The following TYK2 variants were observed in gnomAD, a reference collection of about 807,000 sequenced individuals.
TYK2 encodes tyrosine kinase 2.
A neutral mutation model predicts 130.9 loss-of-function variants in TYK2; 65 were observed. The ratio of observed to expected loss-of-function variants is 0.50; its 90% CI spans 0.41 to 0.61. The LOEUF (loss-of-function observed/expected upper bound fraction) is 0.61. Ranked by LOEUF, TYK2 falls within the 20% of genes least tolerant of loss-of-function variation. The pLI, the probability that TYK2 is intolerant of heterozygous loss-of-function variation, is 0.00. For missense variants in TYK2, 1,378 were observed against 1,610.7 expected (o/e 0.86, Z 2.47); for synonymous variants, 647 against 658.9 (o/e 0.98, Z 0.28).
At chr19:10,360,095 T>G (rs12720284) in intron 14 of TYK2, among the ~76,000 whole-genome samples, 1 of 151,598 alleles carries the variant, frequency 6.6e-6, no homozygotes, top group Admixed American at 6.6e-5. Flanking sequence ...GGCAGGAGAA[T>G]TGCTTGAACC....
chr19:10,356,066 T>G (rs890770291), intron 18 of TYK2, among the ~76,000 whole-genome samples: 4 of 148,860 alleles, frequency 2.7e-5, no homozygotes, highest in African/African-American at 9.9e-5. Context: ...TCCAAAGAAG[T>G]TGTGTCTCTC....
chr19:10,373,624 C>A (rs2042004719), intron 3 of TYK2, among the ~76,000 whole-genome samples: 1 of 152,058 alleles, frequency 6.6e-6, no homozygotes, highest in African/African-American at 2.4e-5. Context: ...ACCCACTGTG[C>A]CTGGCTTGAG....
At chr19:10,368,510 CCT>C in intron 3 of TYK2, 92 bp from the exon 4 acceptor site, 1 of 1,576,602 alleles carries the variant, frequency 6.3e-7, no homozygotes, top group Non-Finnish European at 8.7e-7. Flanking sequence ...CTTCACACTC[CCT>C]CTGAGGCCCC....
At chr19:10,378,589 C>T (rs2042254404) in intron 2 of TYK2, 163 bp from the exon 3 acceptor site, 3 of 626,476 alleles carry the variant, frequency 4.8e-6, no homozygotes, top group East Asian at 5.5e-5. Context: ...TCGTTTTCCA[C>T]ATTTATTGGA....
intron 6 of TYK2, 116 bp downstream of exon 6, chr19:10,366,301 C>T (rs553969163): frequency 3.6e-5 from 40 of 1,103,712 alleles, no homozygotes; most frequent in South Asian, 3.2e-4. Context: ...AGAGAGACTC[C>T]GGCTCAGAAA....
At position 10,361,413 on chromosome 19, in the gene TYK2, G is replaced by T; in HGVS notation, c.2047+98C>A. 1 of 1,193,106 alleles carries T rather than the reference G, an allele frequency of 8.4e-7. No individual in the cohort carries two copies. Among genetic ancestry groups the T allele is most frequent in the Non-Finnish European group, 1.2e-6 (1 of 833,274 alleles). The allele number at this position is 1,193,106 out of a possible 1,614,324, so 73.9% of individuals were successfully genotyped here. ...GGTGAGAGTTGAGAAATAGGCATAGGTTGGGGTGTAGGTCGAGGGTTGGGG... is the reference window on the plus strand; with the variant it reads ...GGTGAGAGTTGAGAAATAGGCATAGTTTGGGGTGTAGGTCGAGGGTTGGGG... On this transcript the variant is annotated intron_variant, in intron 14 of 24. Transcript: ENST00000525621. The surrounding 1 kb of genome is among the most constrained non-coding windows in gnomAD (Gnocchi z 4.0).
Position 10,356,640 on chromosome 19 carries a change from G to A in TYK2, c.2545C>T (p.Leu849=), listed in dbSNP as rs752446652. 1 of 1,613,558 alleles carries A rather than the reference G, an allele frequency of 6.2e-7. No individual in the cohort carries two copies. Among genetic ancestry groups the A allele is most frequent in the African/African-American group, 1.3e-5 (1 of 74,926 alleles). The stretch of plus-strand genomic sequence containing the variant: ...GGCCTCTGGGTTGGCTCATAGGTCA[G>A]ACACTGGCTGGTGAGTGTGGCCAGC... ...PQLATLTSQC[L]TYEPTQRPSF... The change falls in exon 18 of 25, where the codon CTG becomes TTG. Residue 849 remains leucine (L), a synonymous_variant. Coordinates refer to ENST00000525621, the MANE Select transcript of TYK2 (RefSeq NM_003331.5).
intron 18 of TYK2, 34 bp downstream of exon 18, chr19:10,356,534 T>A: frequency 6.2e-7 from 1 of 1,610,956 alleles, no homozygotes; most frequent in East Asian, 2.2e-5. Context: ...CCCGTCCCAC[T>A]TCCCCAGGGT....
At chr19:10,371,637 A>T (rs1416123352) in intron 3 of TYK2, among the ~76,000 whole-genome samples, 1 of 146,852 alleles carries the variant, frequency 6.8e-6, no homozygotes, top group African/African-American at 2.5e-5. Flanking sequence ...ACTCTGTCTC[A>T]AAAAAAAAAA....
chr19:10,364,832 C>A lies in TYK2; in HGVS notation c.1209+19G>T. The stretch of plus-strand genomic sequence containing the variant: ...CAGGCCATGATGGGCCCTAGCCCAG[C>A]CCCTACCCTGGGCCTCACCAGGCAC... On this transcript the variant is annotated intron_variant, in intron 8 of 24. Coordinates refer to ENST00000525621, the MANE Select transcript of TYK2 (RefSeq NM_003331.5). This position sits in a 1 kb window ranked among gnomAD's most constrained non-coding sequence, Gnocchi z 4.9. 4 of 1,613,990 alleles carry A rather than the reference C, an allele frequency of 2.5e-6. No individual in the cohort carries two copies. The highest frequency in any genetic ancestry group is 3.4e-6 in the Non-Finnish European group (4 of 1,180,036).
intron 14 of TYK2, chr19:10,360,970 G>C (rs2145207720): frequency 3.0e-6 from 1 of 333,008 alleles, no homozygotes; most frequent in East Asian, 8.5e-5. Context: ...ACCCAGGCTG[G>C]TCTTGAACTC....
At chr19:10,375,235 A>G (rs2042071516) in intron 3 of TYK2, among the ~76,000 whole-genome samples, 1 of 152,170 alleles carries the variant, frequency 6.6e-6, no homozygotes, top group Non-Finnish European at 1.5e-5. Flanking sequence ...ATTGATTACA[A>G]TGCCCCCATC....
Position 10,365,901 on chromosome 19 carries a change from G to A in TYK2, c.630-3C>T, listed in dbSNP as rs750663278. On this transcript the variant is annotated splice_region_variant and splice_polypyrimidine_tract_variant and intron_variant, in intron 6 of 24. Transcript: ENST00000525621. Reference sequence around the variant, plus strand: ...AGCGCGGGATGCAGTCCTTGAAGCTGGGGGGAAACACAGTGAGGGGCTGGT... The same window carrying A: ...AGCGCGGGATGCAGTCCTTGAAGCTAGGGGGAAACACAGTGAGGGGCTGGT... 1.2e-4 allele frequency: 193 copies of A among 1,603,580 alleles called. 1 individual carries two copies. In the Middle Eastern group the frequency reaches 1.4e-3, roughly 11 times the overall value.
rs761545778 is a variant in TYK2 at position 10,368,092 on chromosome 19, A to G, written c.428T>C (p.Leu143Pro). The change falls in exon 5 of 25, where the codon CTC becomes CCC. Residue 143 changes from leucine (L) to proline (P), a missense_variant. Physicochemically the swap from Leu to Pro is moderately conservative, Grantham distance 98. Coordinates refer to ENST00000525621, the MANE Select transcript of TYK2 (RefSeq NM_003331.5). ...GTACTCAAATGAGGCTGGGTCCAGGAGTTGCATCCCCTGTGCTGTCTGATC... is the reference window on the plus strand; with the variant it reads ...GTACTCAAATGAGGCTGGGTCCAGGGGTTGCATCCCCTGTGCTGTCTGATC... Reference protein sequence around the residue: ...SSDQTAQGMQLLDPASFEYLF... With the variant: ...SSDQTAQGMQPLDPASFEYLF... 6 of 1,614,042 alleles carry G rather than the reference A, an allele frequency of 3.7e-6. No individual in the cohort carries two copies. The highest frequency in any genetic ancestry group is 5.1e-6 in the Non-Finnish European group (6 of 1,180,008).
chr19:10,357,568 G>A (rs997153041), intron 17 of TYK2, 196 bp downstream of exon 17: 42 of 777,000 alleles, frequency 5.4e-5, no homozygotes, highest in Non-Finnish European at 7.3e-5. Context: ...TGTGTGCCAG[G>A]CACAAGTGAC....
intron 17 of TYK2, 27 bp downstream of exon 17, chr19:10,357,737 G>C (rs758455917): frequency 3.1e-5 from 49 of 1,584,490 alleles, no homozygotes; most frequent in Non-Finnish European, 4.0e-5. Flanking sequence ...CCACTGCGGG[G>C]AGGGCCCAAG....
At chr19:10,359,532 C>G (rs756777574) in intron 14 of TYK2, among the ~76,000 whole-genome samples, 2 of 152,010 alleles carry the variant, frequency 1.3e-5, no homozygotes, top group African/African-American at 4.8e-5. Flanking sequence ...GGATGGGGCA[C>G]GGAAGAAGTT....
intron 2 of TYK2, among the ~76,000 whole-genome samples, 153 bp downstream of exon 2, chr19:10,379,462 A>G (rs2042292758): frequency 6.6e-6 from 1 of 150,898 alleles, no homozygotes; most frequent in African/African-American, 2.4e-5. Flanking sequence ...GGAGATTGAG[A>G]CCATCTTGAC....
At chr19:10,360,411 C>T (rs12720282) in intron 14 of TYK2, among the ~76,000 whole-genome samples, 96 of 151,900 alleles carry the variant, frequency 6.3e-4, no homozygotes, top group African/African-American at 2.0e-3. Context: ...GCGGAAGGAT[C>T]GCTTGAGCCC....
Sources: allele counts gnomAD v4.1 joint callset (sites outside exome capture counted in the v4.1 genomes callset), GRCh38; gene constraint gnomAD v4.1.1; non-coding constraint Gnocchi (gnomAD v3.1); transcripts MANE v1.5; gene names NCBI Gene and HGNC (gene_info 2026-07-23, HGNC 2026-07-21).